Variants in LRRIQ4 observed in about 807,000 individuals in gnomAD.
LRRIQ4 encodes the protein leucine-rich repeat and IQ domain-containing protein 4.
Under a neutral mutation model 40.1 loss-of-function variants are expected in LRRIQ4, and 21 were observed. The ratio of observed to expected loss-of-function variants is 0.52; its 90% CI spans 0.37 to 0.75. The LOEUF (loss-of-function observed/expected upper bound fraction) is 0.75. LRRIQ4 is among the 30% of genes least tolerant of loss of function. The pLI is 0.00. For missense variants in LRRIQ4, 655 were observed against 660.0 expected (o/e 0.99, Z 0.08); for synonymous variants, 277 against 277.1 (o/e 1.00, Z 0.00).
At position 169,822,791 on chromosome 3, in the gene LRRIQ4, C is replaced by A. The variant is rs369184596; in HGVS notation, c.870C>A (p.Thr290=). 8.1e-6 allele frequency: 13 copies of A among 1,613,496 alleles called. No homozygotes were observed. The highest frequency in any genetic ancestry group is 3.3e-5 in the Admixed American group (2 of 59,958). ...TGCACCTGCTCTACCTGGGAAACAC[C>A]GGCCTGCACAGGCTGCGGGGCTCCT... is the stretch of plus-strand genomic sequence containing the variant. The part of the protein sequence containing the change: ...TSLHLLYLGN[T]GLHRLRGSFR... The change falls in exon 2 of 6, where the codon ACC becomes ACA. Residue 290 remains threonine, a synonymous_variant. Transcript: ENST00000340806.
Position 169,822,079 on chromosome 3 carries a change from T to C in LRRIQ4, c.158T>C (p.Val53Ala), listed in dbSNP as rs774566014. The change falls in exon 2 of 6, where the codon GTG becomes GCG. Residue 53 changes from valine to alanine, a missense_variant. Physicochemically the swap from Val to Ala is moderately conservative, Grantham distance 64 (BLOSUM62 0). Transcript: ENST00000340806. ...EIFTFTELEE[V>A]HLENNQIEEI... Reference sequence around the variant, plus strand: ...TTCACATTCACAGAATTAGAAGAAGTGCATTTGGAGAATAACCAGATTGAA... The same window carrying C: ...TTCACATTCACAGAATTAGAAGAAGCGCATTTGGAGAATAACCAGATTGAA... 1 of 1,608,476 alleles carries C rather than the reference T, an allele frequency of 6.2e-7. No individual in the cohort carries two copies.
chr3:169,814,618 C>T (rs888246788), intron 1 of LRRIQ4, among the ~76,000 whole-genome samples: 15 of 151,992 alleles, frequency 9.9e-5, no homozygotes, highest in Non-Finnish European at 1.8e-4. Flanking sequence ...CCAGAATAGC[C>T]GGGATTACAG....
At chr3:169,816,973 C>T (rs1451952532) in intron 1 of LRRIQ4, among the ~76,000 whole-genome samples, 2 of 152,088 alleles carry the variant, frequency 1.3e-5, no homozygotes, top group African/African-American at 4.8e-5. Context: ...TCCCAGCCTT[C>T]TACTAACTTT....
intron 1 of LRRIQ4, among the ~76,000 whole-genome samples, chr3:169,816,237 T>A (rs1779766221): frequency 6.6e-6 from 1 of 152,182 alleles, no homozygotes; most frequent in African/African-American, 2.4e-5. Flanking sequence ...AGGATTGGTA[T>A]TAGTTCTTCT....
chr3:169,814,851 A>G (rs1036858835), intron 1 of LRRIQ4, among the ~76,000 whole-genome samples: 5 of 152,188 alleles, frequency 3.3e-5, no homozygotes, highest in African/African-American at 4.8e-5. Context: ...ATTCTTCTGC[A>G]TATGGATATC....
At chr3:169,828,321 C>A (rs955053277) in intron 2 of LRRIQ4, among the ~76,000 whole-genome samples, 1 of 152,130 alleles carries the variant, frequency 6.6e-6, no homozygotes, top group Non-Finnish European at 1.5e-5. Context: ...CAACCTCTGC[C>A]TCCCACATTC....
chr3:169,822,143 G>C lies in LRRIQ4; in HGVS notation c.222G>C (p.Arg74Ser), dbSNP rs1287124937. The C allele has an allele frequency of 2.5e-6, 4 of 1,612,860 alleles. No individual in the cohort carries two copies. The highest frequency in any genetic ancestry group is 1.3e-5 in the African/African-American group (1 of 74,798). The change falls in exon 2 of 6, where the codon AGG becomes AGC. Residue 74 changes from arginine to serine, a missense_variant. Transcript: ENST00000340806. ...PQEIQRLKNI[R>S]VLYLDKNNLR... ...AGATTCAGCGTTTAAAGAACATCAG[G>C]GTCCTCTACCTGGATAAGAACAACC...
chr3:169,815,469 G>GT (rs1779745884), intron 1 of LRRIQ4, among the ~76,000 whole-genome samples: 1 of 152,064 alleles, frequency 6.6e-6, no homozygotes, highest in African/African-American at 2.4e-5. Context: ...ATGCTACTGA[G>GT]TTTTATATGT....
chr3:169,836,135 T>G (rs1457721768), intron 5 of LRRIQ4, among the ~76,000 whole-genome samples: 1 of 151,130 alleles, frequency 6.6e-6, no homozygotes, highest in Non-Finnish European at 1.5e-5. Flanking sequence ...AATAAAAGCA[T>G]GAAATAGAAA....
chr3:169,829,490 G>GTTT (rs34181076), intron 3 of LRRIQ4, among the ~76,000 whole-genome samples: 2,485 of 144,802 alleles, frequency 0.017, 65 homozygotes, highest in African/African-American at 0.054. Context: ...TTAAAGAACT[G>GTTT]TTTTTTTTTT....
Position 169,822,684 on chromosome 3 carries a change from G to A in LRRIQ4, c.763G>A (p.Glu255Lys), listed in dbSNP as rs764264230. 13 of 1,613,830 alleles carry A rather than the reference G, an allele frequency of 8.1e-6. No individual in the cohort carries two copies. The highest frequency in any genetic ancestry group is 2.2e-5 in the South Asian group (2 of 91,088). Residue 255 changes from glutamate (E) to lysine (K), a missense_variant, in exon 2 of 6, where the codon GAG becomes AAG. Transcript: ENST00000340806. ...LLHSIPKSFA[E>K]LRKMTEIGLS... ...CCACTCCATCCCGAAGAGCTTCGCCGAGCTCAGGAAGATGACGGAAATCGG... is the reference window on the plus strand; with the variant it reads ...CCACTCCATCCCGAAGAGCTTCGCCAAGCTCAGGAAGATGACGGAAATCGG...
At chr3:169,821,714 G>A (rs1233127717) in intron 1 of LRRIQ4, among the ~76,000 whole-genome samples, 177 bp from the exon 2 acceptor site, 1 of 151,884 alleles carries the variant, frequency 6.6e-6, no homozygotes, top group Non-Finnish European at 1.5e-5. Flanking sequence ...CGTGTTAGGG[G>A]AAGGAGTCTA....
At chr3:169,834,351 T>C (rs1308224539) in intron 5 of LRRIQ4, among the ~76,000 whole-genome samples, 2 of 152,158 alleles carry the variant, frequency 1.3e-5, no homozygotes, top group Non-Finnish European at 2.9e-5. Flanking sequence ...AACAGCTGTC[T>C]CCAAAAATAA....
In LRRIQ4 at chr3:169,833,011, A is replaced by C; in HGVS notation, c.1358A>C (p.Asp453Ala). The C allele has an allele frequency of 1.2e-6, 2 of 1,612,292 alleles. No individual in the cohort carries two copies. Reference protein sequence around the residue: ...AQALKELRLEDNLLTHLPENL... With the variant: ...AQALKELRLEANLLTHLPENL... ...GCTTTGAAAGAATTACGGCTGGAGG[A>C]CAACTTGCTCACCCATCTTCCAGAG... Residue 453 changes from aspartate to alanine, a missense_variant, in exon 5 of 6, where the codon GAC becomes GCC. Asp to Ala is a moderately radical substitution (Grantham distance 126). Coordinates refer to ENST00000340806, the MANE Select transcript of LRRIQ4 (RefSeq NM_001080460.3).
intron 2 of LRRIQ4, among the ~76,000 whole-genome samples, chr3:169,824,116 C>T (rs1002214414): frequency 1.3e-5 from 2 of 152,042 alleles, no homozygotes; most frequent in Non-Finnish European, 2.9e-5. Flanking sequence ...ACACACAACA[C>T]ATATTTTATG....
intron 2 of LRRIQ4, among the ~76,000 whole-genome samples, chr3:169,825,089 C>A (rs1187997858): frequency 1.3e-5 from 2 of 150,872 alleles, no homozygotes; most frequent in South Asian, 4.2e-4. Flanking sequence ...CTCACTGCAA[C>A]CTCCACCTCC....
intron 2 of LRRIQ4, among the ~76,000 whole-genome samples, chr3:169,826,076 T>C (rs553114142): frequency 2.1e-4 from 32 of 152,232 alleles, no homozygotes; most frequent in African/African-American, 7.7e-4. Context: ...TGGATTTTAT[T>C]TGTAGAGTAT....
In LRRIQ4 at chr3:169,821,970, A is replaced by T; in HGVS notation, c.49A>T (p.Arg17Ter). The change falls in exon 2 of 6, where the codon AGA (arginine) becomes TGA (stop). Residue 17 changes from arginine to a stop codon, truncating the protein, a stop_gained. Transcript: ENST00000340806. LOFTEE classifies it high-confidence loss of function. ...SVEHSPKIHQ[R>*]NDPQHVNDRT... ...AGAACATTCACCTAAAATTCATCAG[A>T]GAAATGATCCACAGCACGTCAATGA... The T allele has an allele frequency of 6.6e-7, 1 of 1,513,808 alleles. No individual in the cohort carries two copies. Among genetic ancestry groups the T allele is most frequent in the Non-Finnish European group, 8.8e-7 (1 of 1,135,540 alleles). The allele number at this position is 1,513,808 out of a possible 1,614,324, so 93.8% of individuals were successfully genotyped here.
chr3:169,822,119 G>C lies in LRRIQ4; in HGVS notation c.198G>C (p.Glu66Asp), dbSNP rs753804923. 6.2e-7 allele frequency: 1 copy of C among 1,612,332 alleles called. No individual in the cohort carries two copies. The highest frequency in any genetic ancestry group is 2.2e-5 in the East Asian group (1 of 44,876). ...ACCAGATTGAAGAAATTCCCCAGGAGATTCAGCGTTTAAAGAACATCAGGG... is the reference window on the plus strand; with the variant it reads ...ACCAGATTGAAGAAATTCCCCAGGACATTCAGCGTTTAAAGAACATCAGGG... The part of the protein sequence containing the change: ...ENNQIEEIPQ[E>D]IQRLKNIRVL... The change falls in exon 2 of 6, where the codon GAG becomes GAC. Residue 66 changes from glutamate to aspartate, a missense_variant. Physicochemically the swap from Glu to Asp is conservative, Grantham distance 45. Transcript: ENST00000340806.
Sources: allele counts gnomAD v4.1 joint callset (sites outside exome capture counted in the v4.1 genomes callset), GRCh38; gene constraint gnomAD v4.1.1; transcripts MANE v1.5; gene names NCBI Gene and HGNC (gene_info 2026-07-23, HGNC 2026-07-21).